CC2D2B: variants seen among roughly 807,000 people sequenced by gnomAD.
The protein encoded by CC2D2B is protein CC2D2B.
CC2D2B carries 128 observed loss-of-function variants against 161.2 expected under a neutral mutation model. The ratio of observed to expected loss-of-function variants is 0.79; its 90% CI spans 0.69 to 0.92. The LOEUF is 0.92. Ranked by LOEUF, CC2D2B falls within the 40% of genes least tolerant of loss-of-function variation. CC2D2B has a pLI of 0.00. For missense variants in CC2D2B, 1,173 were observed against 1,375.1 expected (o/e 0.85, Z 2.32); for synonymous variants, 391 against 449.8 (o/e 0.87, Z 1.65).
rs369455466 is a variant in CC2D2B at position 96,016,254 on chromosome 10, T to C, written c.3570T>C (p.Cys1190=). The C allele has an allele frequency of 1.2e-6, 2 of 1,613,568 alleles. No individual in the cohort carries two copies. The highest frequency in any genetic ancestry group is 1.7e-6 in the Non-Finnish European group (2 of 1,179,758). ...AGGAGGAGCATGCCATCCTTCTCTG[T>C]AATTTCTTTCTGTATTTTGGAAAGA... ...GNKEEHAILL[C]NFFLYFGKKA... The change falls in exon 30 of 35, where the codon TGT becomes TGC. Residue 1190 remains cysteine (C), a synonymous_variant. Transcript: ENST00000646931.
chr10:95,966,675 A>C (rs1213631284), intron 14 of CC2D2B, among the ~76,000 whole-genome samples: 1 of 152,052 alleles, frequency 6.6e-6, no homozygotes, highest in East Asian at 1.9e-4. Flanking sequence ...TTCAGGTATA[A>C]ATAGGTGAGA....
At chr10:95,920,613 C>T (rs919822463) in intron 2 of CC2D2B, 1 of 152,028 alleles carries the variant, frequency 6.6e-6, no homozygotes, top group South Asian at 2.1e-4. Context: ...CAGAAGGTGT[C>T]TCTCACTGTG....
chr10:96,003,436 G>GAGATGGAGTTCTGCTCTTGTTACCC (rs2078600878), intron 24 of CC2D2B, among the ~76,000 whole-genome samples: 2 of 44,438 alleles, frequency 4.5e-5, no homozygotes, highest in African/African-American at 1.5e-4. Context: ...TATTTATTTA[G>GAGATGGAGTTCTGCTCTTGTTACCC]AGATGGAGTT....
At position 96,009,810 on chromosome 10, in the gene CC2D2B, T is replaced by C. The variant is rs759989017; in HGVS notation, c.2947-15T>C. The C allele has an allele frequency of 3.0e-6, 4 of 1,332,642 alleles. No homozygotes were observed. In the South Asian group the frequency reaches 4.5e-5, roughly 15 times the overall value. 82.6% of individuals were successfully genotyped at this position (1,332,642 alleles called of 1,614,324 possible). ...TGATATTAAGTAAGTAATAAAAAAT[T>C]ATTTATTTTCATAGGATCACTGTCT... On this transcript the variant is annotated splice_polypyrimidine_tract_variant and intron_variant, in intron 25 of 34. Coordinates refer to ENST00000646931, the MANE Select transcript of CC2D2B (RefSeq NM_001349008.3).
chr10:95,938,785 T>C lies in CC2D2B; in HGVS notation c.673-12T>C, dbSNP rs1047649800. The C allele has an allele frequency of 6.4e-5, 45 of 705,890 alleles. No homozygotes were observed. The highest frequency in any genetic ancestry group is 1.1e-4 in the Non-Finnish European group (41 of 382,058). The allele number at this position is 705,890 out of a possible 1,614,324, so 43.7% of individuals were successfully genotyped here. The stretch of plus-strand genomic sequence containing the variant: ...AAAATATTTAATTACTATACTTAAA[T>C]ATTTTTGATAGGGAAAATGTTGGTT... On this transcript the variant is annotated splice_polypyrimidine_tract_variant and intron_variant, in intron 8 of 34. Coordinates refer to ENST00000646931, the MANE Select transcript of CC2D2B (RefSeq NM_001349008.3).
At chr10:95,937,882 C>T in intron 6 of CC2D2B, 109 bp from the exon 7 acceptor site, 1 of 655,972 alleles carries the variant, frequency 1.5e-6, no homozygotes, top group Non-Finnish European at 2.7e-6. Flanking sequence ...CTGTGGGTGG[C>T]AGGATCAGAC....
At chr10:96,021,336 CATCAACTAGAAATCAGT>C (rs2079448883) in intron 32 of CC2D2B, 1 of 152,206 alleles carries the variant, frequency 6.6e-6, no homozygotes, top group East Asian at 1.9e-4. Flanking sequence ...TGAAACAGTT[CATCAACTAGAAATCAGT>C]ACATGAGTTG....
intron 18 of CC2D2B, among the ~76,000 whole-genome samples, chr10:95,983,269 A>G (rs371215267): frequency 2.0e-5 from 3 of 152,200 alleles, no homozygotes; most frequent in East Asian, 1.9e-4. Context: ...TGAGGTGCAG[A>G]ATTGGTTATA....
chr10:96,030,691 T>C (rs1192825743), intron 34 of CC2D2B, among the ~76,000 whole-genome samples: 6 of 152,176 alleles, frequency 3.9e-5, no homozygotes, highest in Non-Finnish European at 5.9e-5. Flanking sequence ...TTCTTGTATA[T>C]ATAATACACC....
intron 6 of CC2D2B, among the ~76,000 whole-genome samples, chr10:95,928,885 T>G (rs2098544494): frequency 6.6e-6 from 1 of 152,194 alleles, no homozygotes; most frequent in South Asian, 2.1e-4. Flanking sequence ...TGTGTCTTTA[T>G]AGTAGCATGA....
chr10:95,934,635 G>A (rs1273942979), intron 6 of CC2D2B, among the ~76,000 whole-genome samples: 2 of 152,080 alleles, frequency 1.3e-5, no homozygotes, highest in Non-Finnish European at 2.9e-5. Flanking sequence ...CCCTTGGCTA[G>A]GGGAGGGAGT....
intron 12 of CC2D2B, among the ~76,000 whole-genome samples, chr10:95,963,387 C>G (rs912517958): frequency 1.3e-5 from 2 of 152,100 alleles, no homozygotes; most frequent in Non-Finnish European, 2.9e-5. Context: ...GGCCTGGTAC[C>G]TAGACACTGA....
intron 33 of CC2D2B, among the ~76,000 whole-genome samples, chr10:96,025,134 C>T (rs750455514): frequency 6.5e-5 from 7 of 107,120 alleles, no homozygotes; most frequent in Non-Finnish European, 1.1e-4. Flanking sequence ...CATAGGGAGA[C>T]GTCATCTCTA....
rs773678051 is a variant in CC2D2B at position 95,937,982 on chromosome 10, A to G, written c.337-9A>G. On this transcript the variant is annotated splice_polypyrimidine_tract_variant and intron_variant, in intron 6 of 34. Coordinates refer to ENST00000646931, the MANE Select transcript of CC2D2B (RefSeq NM_001349008.3). ...ATGTAAACTTATTTTCCTTTTTGGT[A>G]TTCAACAGAGACCAGTAAACCGTAG... The G allele has an allele frequency of 5.3e-6, 8 of 1,499,288 alleles. 1 individual carries two copies. In the South Asian group the frequency reaches 7.3e-5, roughly 14 times the overall value. 92.9% of individuals were successfully genotyped at this position (1,499,288 alleles called of 1,614,324 possible). A position where few individuals can be genotyped will look rare whatever the true frequency, so the allele number is the denominator to read the frequency against.
In CC2D2B at chr10:95,992,603, G is replaced by C; in HGVS notation, c.2548G>C (p.Val850Leu). The C allele has an allele frequency of 8.1e-7, 1 of 1,234,302 alleles. No individual in the cohort carries two copies. Among genetic ancestry groups the C allele is most frequent in the Non-Finnish European group, 1.0e-6 (1 of 988,106 alleles). The allele number at this position is 1,234,302 out of a possible 1,614,324, so 76.5% of individuals were successfully genotyped here. ...ACCTCAGAGGAAAGAAAGGAAAAAA[G>C]TCACAGCGCAGGCGATCTCTGACGG... The part of the protein sequence containing the change: ...LKPQRKERKK[V>L]TAQAISDGDI... The change falls in exon 22 of 35, where the codon GTC (valine) becomes CTC (leucine). Residue 850 changes from valine (V) to leucine (L), a missense_variant. Transcript: ENST00000646931.
chr10:95,938,656 A>G lies in CC2D2B; in HGVS notation c.623A>G (p.Tyr208Cys). The stretch of plus-strand genomic sequence containing the variant: ...TATATTCAGAGAAAGCCAGAAATAT[A>G]CAAAAAGACCTGCAACAAAATGGAA... ...GFYIQRKPEI[Y>C]KKTCNKMENR... Residue 208 changes from tyrosine (Y) to cysteine (C), a missense_variant, in exon 8 of 35, where the codon TAC becomes TGC. Transcript: ENST00000646931. The G allele has an allele frequency of 1.4e-6, 1 of 714,676 alleles. No homozygotes were observed. Among genetic ancestry groups the G allele is most frequent in the South Asian group, 1.5e-5 (1 of 66,734 alleles). The allele number at this position is 714,676 out of a possible 1,614,324, so 44.3% of individuals were successfully genotyped here. A position where few individuals can be genotyped will look rare whatever the true frequency, so the allele number is the denominator to read the frequency against.
At chr10:96,003,586 TTGTGTGTGTGTGTGTGTGTG>T (rs68085058) in intron 24 of CC2D2B, among the ~76,000 whole-genome samples, 3 of 127,736 alleles carry the variant, frequency 2.3e-5, no homozygotes, top group South Asian at 2.7e-4. Flanking sequence ...GCCCGGCTAA[TTGTGTGTGTGTGTGTGTGTG>T]TGTGTGTGTG....
At chr10:95,916,886 A>G (rs902573327) in intron 2 of CC2D2B, among the ~76,000 whole-genome samples, 2 of 152,188 alleles carry the variant, frequency 1.3e-5, no homozygotes, top group African/African-American at 2.4e-5. Flanking sequence ...GAAACATTCT[A>G]TAAATATCTG....
At chr10:95,961,375 C>T (rs2076755178) in intron 11 of CC2D2B, among the ~76,000 whole-genome samples, 1 of 151,938 alleles carries the variant, frequency 6.6e-6, no homozygotes, top group Non-Finnish European at 1.5e-5. Flanking sequence ...TAAAATATAA[C>T]AATTAGCCAG....
Sources: gnomAD v4.1 joint callset for allele counts (sites outside exome capture counted in the v4.1 genomes callset) on GRCh38, gnomAD v4.1.1 for gene constraint, MANE v1.5 for transcripts, NCBI Gene and HGNC (gene_info 2026-07-23, HGNC 2026-07-21) for gene names.